The following PRKDC variants were observed in gnomAD, a reference collection of about 807,000 sequenced individuals.
The protein encoded by PRKDC is DNA-dependent protein kinase catalytic subunit.
Under a neutral mutation model 486.9 loss-of-function variants are expected in PRKDC, and 82 were observed. That is an observed-to-expected ratio of 0.17 (90% CI 0.14 to 0.20). The LOEUF (loss-of-function observed/expected upper bound fraction) is 0.20. Ranked by LOEUF, PRKDC falls within the 10% of genes least tolerant of loss-of-function variation. The probability of loss-of-function intolerance (pLI) is 1.00; values close to 1 mark genes in which losing one functional copy is unlikely to be tolerated. For missense variants in PRKDC, 4,504 were observed against 5,038.2 expected (o/e 0.89, Z 3.21); for synonymous variants, 1,895 against 1,837.0 (o/e 1.03, Z -0.81).
At chr8:47,852,525 T>C (rs1589742819) in intron 52 of PRKDC, 148 bp downstream of exon 52, 2 of 518,002 alleles carry the variant, frequency 3.9e-6, no homozygotes, top group Non-Finnish European at 6.7e-6. Flanking sequence ...ATTTGCTATA[T>C]TATAGTAAGA....
chr8:47,923,626 C>T (rs913460941), intron 21 of PRKDC, among the ~76,000 whole-genome samples: 3 of 152,192 alleles, frequency 2.0e-5, no homozygotes, highest in Non-Finnish European at 2.9e-5. Context: ...ATCATTAGTA[C>T]GTGTTTGGCT....
At chr8:47,949,647 CAG>C (rs1244488770) in intron 7 of PRKDC, among the ~76,000 whole-genome samples, 1 of 152,156 alleles carries the variant, frequency 6.6e-6, no homozygotes, top group Non-Finnish European at 1.5e-5. Flanking sequence ...AGTGCTGTCA[CAG>C]AGGGGAGTAC....
At chr8:47,857,125 A>G (rs1408072722) in intron 49 of PRKDC, 31 bp downstream of exon 49, 1 of 1,605,120 alleles carries the variant, frequency 6.2e-7, no homozygotes, top group Non-Finnish European at 8.5e-7. Context: ...AAAGGATAAT[A>G]TATTAACATA....
At chr8:47,779,585 A>G (rs2086664677) in intron 80 of PRKDC, among the ~76,000 whole-genome samples, 1 of 152,124 alleles carries the variant, frequency 6.6e-6, no homozygotes, top group African/African-American at 2.4e-5. Context: ...GACCACTTCC[A>G]CATCTTTTTC....
chr8:47,798,784 T>A (rs1000762619), intron 72 of PRKDC, among the ~76,000 whole-genome samples: 1 of 151,586 alleles, frequency 6.6e-6, no homozygotes, highest in Admixed American at 6.6e-5. Flanking sequence ...TAAATGTAGG[T>A]CATGTTGCTT....
At chr8:47,939,941 C>T (rs1589807460) in intron 10 of PRKDC, 2 of 130,544 alleles carry the variant, frequency 1.5e-5, no homozygotes, top group South Asian at 5.4e-4. Flanking sequence ...CAAGGATACA[C>T]ATAAGTCTGA....
intron 78 of PRKDC, among the ~76,000 whole-genome samples, chr8:47,783,286 A>G (rs1278505408): frequency 3.4e-5 from 5 of 147,628 alleles, no homozygotes; most frequent in Admixed American, 6.8e-5. Flanking sequence ...CTCAAAAAAA[A>G]AAAAGAAAAA....
rs61385951 is a variant in PRKDC at position 47,827,118 on chromosome 8, TCACACACACA to T, written c.8578-267_8578-258del. Among the ~76,000 whole-genome samples the T allele has an allele frequency of 3.8e-3, 488 of 128,228 alleles. 4 individuals carry two copies. The highest frequency in any genetic ancestry group is 8.1e-3 in the Middle Eastern group (2 of 248). 84.1% of individuals were successfully genotyped at this position (128,228 alleles called of 152,430 possible). ...AAAAGCACCTATCAAAATATGAAGA[TCACACACACA>T]CACACACACACACACACACACACAC... On this transcript the variant is annotated intron_variant, in intron 62 of 85. Coordinates refer to ENST00000314191, the MANE Select transcript of PRKDC (RefSeq NM_006904.7).
chr8:47,908,723 A>C (rs547948980), intron 25 of PRKDC, among the ~76,000 whole-genome samples: 1 of 152,372 alleles, frequency 6.6e-6, no homozygotes, highest in Admixed American at 6.5e-5. Flanking sequence ...GGTGACGTGA[A>C]CGTTCATTTT....
chr8:47,920,440 G>A (rs1242126309), intron 21 of PRKDC, among the ~76,000 whole-genome samples: 1 of 152,142 alleles, frequency 6.6e-6, no homozygotes, highest in Non-Finnish European at 1.5e-5. Flanking sequence ...CTGTATTTGG[G>A]GGGTATTGAT....
In PRKDC at chr8:47,817,565, A is replaced by C. The variant is rs1563749736; in HGVS notation, c.9446-4T>G. The C allele has an allele frequency of 6.4e-7, 1 of 1,555,480 alleles. No homozygotes were observed. The highest frequency in any genetic ancestry group is 8.8e-7 in the Non-Finnish European group (1 of 1,135,202). On this transcript the variant is annotated splice_polypyrimidine_tract_variant and splice_region_variant and intron_variant, in intron 67 of 85. Transcript: ENST00000314191. ...GGAACTTGAGATGATAAATTGCCTA[A>C]AAATAGTATTAGAGGGTGACTATAC...
intron 27 of PRKDC, among the ~76,000 whole-genome samples, chr8:47,901,639 C>G (rs8178073): frequency 0.013 from 2,046 of 152,340 alleles, 54 homozygotes; most frequent in African/African-American, 0.046. Flanking sequence ...ATCTGCAGAA[C>G]TGCTCATTTG....
intron 40 of PRKDC, among the ~76,000 whole-genome samples, chr8:47,872,241 T>C (rs578147722): frequency 2.0e-5 from 3 of 152,210 alleles, no homozygotes; most frequent in African/African-American, 7.2e-5. Flanking sequence ...TTATATCATT[T>C]GCAAGCCTCA....
intron 25 of PRKDC, among the ~76,000 whole-genome samples, chr8:47,909,355 C>T (rs1353417374): frequency 2.0e-5 from 3 of 152,210 alleles, no homozygotes; most frequent in Non-Finnish European, 4.4e-5. Flanking sequence ...CATGGACATT[C>T]ATCACTTCCC....
At chr8:47,795,441 G>A (rs191266228) in intron 73 of PRKDC, among the ~76,000 whole-genome samples, 1,638 of 150,108 alleles carry the variant, frequency 0.011, 8 homozygotes, top group Non-Finnish European at 0.016. Flanking sequence ...GGCCCACCTC[G>A]ACCTCCCAAA....
chr8:47,802,541 G>GGC (rs1457815992), intron 70 of PRKDC, among the ~76,000 whole-genome samples: 1 of 149,568 alleles, frequency 6.7e-6, no homozygotes, highest in East Asian at 2.0e-4. Flanking sequence ...GGAGTGCAGT[G>GGC]GCGCGATTTT....
At chr8:47,803,037 T>C (rs1399725207) in intron 70 of PRKDC, among the ~76,000 whole-genome samples, 1 of 152,206 alleles carries the variant, frequency 6.6e-6, no homozygotes, top group Non-Finnish European at 1.5e-5. Context: ...TCCACCCACC[T>C]CGGTCGCCCA....
At chr8:47,851,396 A>T (rs2088399759) in intron 52 of PRKDC, among the ~76,000 whole-genome samples, 1 of 152,250 alleles carries the variant, frequency 6.6e-6, no homozygotes, top group Admixed American at 6.5e-5. Flanking sequence ...AATAGCTGAT[A>T]ATCCCTAAAA....
chr8:47,851,087 G>A (rs1445277446), intron 52 of PRKDC, among the ~76,000 whole-genome samples: 1 of 152,200 alleles, frequency 6.6e-6, no homozygotes, highest in Non-Finnish European at 1.5e-5. Context: ...CGGGATTATA[G>A]GCATGAGCCA....
Sources: allele counts gnomAD v4.1 joint callset (sites outside exome capture counted in the v4.1 genomes callset), GRCh38; gene constraint gnomAD v4.1.1; transcripts MANE v1.5; gene names NCBI Gene and HGNC (gene_info 2026-07-23, HGNC 2026-07-21).